Variants in CCDC170 observed in about 807,000 individuals in gnomAD.
The protein encoded by CCDC170 is coiled-coil domain-containing protein 170.
In CCDC170, 69 loss-of-function variants were observed where a neutral mutation model predicts 72.6. The observed-to-expected ratio is 0.95, with a 90% CI of 0.78 to 1.16. CCDC170 has a LOEUF of 1.16. Among genes scored for constraint, CCDC170 ranks in the 50% most tolerant of loss-of-function variants. The pLI is 0.00. For missense variants in CCDC170, 852 were observed against 832.5 expected, an observed-to-expected ratio of 1.02 and a Z score of -0.29; for synonymous variants, 300 against 303.9, an observed-to-expected ratio of 0.99 and a Z score of 0.13.
rs1325716032 is a variant in CCDC170 at position 151,544,553 on chromosome 6, T to C, written c.444-19T>C. On this transcript the variant is annotated intron_variant, in intron 3 of 10. Transcript: ENST00000239374. ...TTCCATGGTGTTAAATTCTGACTTATTTGTTATTTGCCTAACAGAAAGTGT... is the reference window on the plus strand; with the variant it reads ...TTCCATGGTGTTAAATTCTGACTTACTTGTTATTTGCCTAACAGAAAGTGT... 1.2e-6 allele frequency: 2 copies of C among 1,600,850 alleles called. No homozygotes were observed. The highest frequency in any genetic ancestry group is 1.7e-4 in the Middle Eastern group (1 of 6,022).
At chr6:151,553,033 C>T (rs1782910057) in intron 5 of CCDC170, among the ~76,000 whole-genome samples, 2 of 151,948 alleles carry the variant, frequency 1.3e-5, no homozygotes, top group South Asian at 4.1e-4. Flanking sequence ...GTGATCCACC[C>T]ACATCGGCCT....
At chr6:151,601,489 A>G (rs1186861548) in intron 9 of CCDC170, among the ~76,000 whole-genome samples, 3 of 151,810 alleles carry the variant, frequency 2.0e-5, no homozygotes, top group Non-Finnish European at 2.9e-5. Flanking sequence ...AACAGAAGCA[A>G]TTGGTCAGTG....
chr6:151,555,118 G>A (rs934869909), intron 5 of CCDC170, among the ~76,000 whole-genome samples: 6 of 151,718 alleles, frequency 4.0e-5, no homozygotes, highest in East Asian at 2.0e-4. Context: ...TCCTGACCTC[G>A]TGGTCCACCT....
intron 1 of CCDC170, among the ~76,000 whole-genome samples, chr6:151,500,092 C>T (rs534981593): frequency 6.6e-6 from 1 of 152,282 alleles, no homozygotes; most frequent in South Asian, 2.1e-4. Context: ...TTCTCCACAT[C>T]CTCACCCCCA....
intron 1 of CCDC170, among the ~76,000 whole-genome samples, chr6:151,501,924 C>T (rs1177132221): frequency 6.6e-6 from 1 of 152,054 alleles, no homozygotes; most frequent in Non-Finnish European, 1.5e-5. Flanking sequence ...CCAAGGTTTC[C>T]TTATTTCTTT....
intron 1 of CCDC170, among the ~76,000 whole-genome samples, chr6:151,525,874 A>G (rs1414269337): frequency 2.0e-5 from 3 of 152,180 alleles, no homozygotes; most frequent in Non-Finnish European, 4.4e-5. Flanking sequence ...AGTGTCCCCT[A>G]CAGTGGCTGG....
At chr6:151,531,914 A>G (rs369635904) in intron 1 of CCDC170, among the ~76,000 whole-genome samples, 1 of 152,132 alleles carries the variant, frequency 6.6e-6, no homozygotes, top group South Asian at 2.1e-4. Context: ...TGATTCAATT[A>G]CCTCCTGCTG....
intron 9 of CCDC170, among the ~76,000 whole-genome samples, chr6:151,605,902 ATTT>A (rs36039695): frequency 1.5e-4 from 20 of 132,588 alleles, no homozygotes; most frequent in Admixed American, 2.3e-4. Flanking sequence ...CTATGCCGCC[ATTT>A]TTTTTTTTTT....
chr6:151,613,343 C>T (rs74390216), intron 9 of CCDC170, among the ~76,000 whole-genome samples: 2,192 of 152,244 alleles, frequency 0.014, 49 homozygotes, highest in African/African-American at 0.05. Context: ...GCAGAGGTTG[C>T]GGTGAGCTGA....
At chr6:151,569,381 G>T (rs1318866066) in intron 5 of CCDC170, among the ~76,000 whole-genome samples, 5 of 152,208 alleles carry the variant, frequency 3.3e-5, no homozygotes, top group African/African-American at 1.2e-4. Flanking sequence ...GTTTATTAAA[G>T]TTTTTGTTAA....
At chr6:151,612,838 A>G (rs1013300585) in intron 9 of CCDC170, among the ~76,000 whole-genome samples, 1 of 152,068 alleles carries the variant, frequency 6.6e-6, no homozygotes, top group Non-Finnish European at 1.5e-5. Flanking sequence ...TTTTTTTTTA[A>G]TGATCTAACC....
chr6:151,548,079 T>G (rs1782805948), intron 4 of CCDC170, among the ~76,000 whole-genome samples: 1 of 152,202 alleles, frequency 6.6e-6, no homozygotes, highest in Admixed American at 6.5e-5. Flanking sequence ...CACTTTTGGC[T>G]TCATTATCCT....
intron 4 of CCDC170, among the ~76,000 whole-genome samples, chr6:151,545,835 T>C (rs1297752055): frequency 6.6e-6 from 1 of 152,170 alleles, no homozygotes; most frequent in Non-Finnish European, 1.5e-5. Flanking sequence ...GGTCTTCCTA[T>C]GTTGTCCAGG....
intron 1 of CCDC170, among the ~76,000 whole-genome samples, chr6:151,519,016 G>C (rs1782275822): frequency 6.6e-6 from 1 of 152,194 alleles, no homozygotes; most frequent in South Asian, 2.1e-4. Context: ...ATGTTCAGCT[G>C]TGCATGTATT....
intron 9 of CCDC170, among the ~76,000 whole-genome samples, chr6:151,607,125 G>A (rs1223193256): frequency 6.6e-6 from 1 of 152,036 alleles, no homozygotes; most frequent in Non-Finnish European, 1.5e-5. Flanking sequence ...TCTTGTTATT[G>A]CCATTTTGTT....
rs1467397762 is a variant in CCDC170 at position 151,494,198 on chromosome 6, C to G, written c.57+13C>G. Reference sequence around the variant, plus strand: ...GCCAGCGCCCGAGGTACGGTCCCAGCCGCCGGCCGCGCGCGGGGGTGGCCC... The same window carrying G: ...GCCAGCGCCCGAGGTACGGTCCCAGGCGCCGGCCGCGCGCGGGGGTGGCCC... On this transcript the variant is annotated intron_variant, in intron 1 of 10. Coordinates refer to ENST00000239374, the MANE Select transcript of CCDC170 (RefSeq NM_025059.4). The G allele has an allele frequency of 6.7e-7, 1 of 1,500,770 alleles. No homozygotes were observed. Among genetic ancestry groups the G allele is most frequent in the Non-Finnish European group, 8.9e-7 (1 of 1,127,994 alleles). The allele number at this position is 1,500,770 out of a possible 1,614,324, so 93.0% of individuals were successfully genotyped here. A position where few individuals can be genotyped will look rare whatever the true frequency, so the allele number is the denominator to read the frequency against.
intron 7 of CCDC170, among the ~76,000 whole-genome samples, chr6:151,588,998 A>C (rs1220225405): frequency 3.9e-5 from 6 of 152,078 alleles, no homozygotes; most frequent in African/African-American, 1.4e-4. Context: ...TCATGCCTAT[A>C]ATCTCAGCAC....
At chr6:151,583,605 G>A (rs1201445264) in intron 6 of CCDC170, among the ~76,000 whole-genome samples, 1 of 152,162 alleles carries the variant, frequency 6.6e-6, no homozygotes, top group South Asian at 2.1e-4. Context: ...CTACAGGCAT[G>A]AGCCATCACG....
intron 5 of CCDC170, among the ~76,000 whole-genome samples, chr6:151,557,745 T>A (rs577968056): frequency 6.6e-6 from 1 of 152,328 alleles, no homozygotes; most frequent in Non-Finnish European, 1.5e-5. Flanking sequence ...TAATAGCCAT[T>A]CTAACTGGGG....
Sources: allele counts gnomAD v4.1 joint callset (sites outside exome capture counted in the v4.1 genomes callset), GRCh38; gene constraint gnomAD v4.1.1; transcripts MANE v1.5; gene names NCBI Gene and HGNC (gene_info 2026-07-23, HGNC 2026-07-21).